ARHGAP18: variants seen among roughly 807,000 people sequenced by gnomAD.
ARHGAP18 encodes Rho GTPase activating protein 18, also known as rho GTPase-activating protein 18.
In ARHGAP18, 67 loss-of-function variants were observed where a neutral mutation model predicts 86.2. That is an observed-to-expected ratio of 0.78 (90% CI 0.64 to 0.95). ARHGAP18 has a LOEUF of 0.95. ARHGAP18 is among the 40% of genes least tolerant of loss of function. ARHGAP18 has a pLI of 0.00. For missense variants in ARHGAP18, 691 were observed against 780.4 expected, an observed-to-expected ratio of 0.89 and a Z score of 1.37; for synonymous variants, 283 against 280.4, an observed-to-expected ratio of 1.01 and a Z score of -0.09.
At chr6:129,685,643 A>C (rs1344731537) in intron 1 of ARHGAP18, among the ~76,000 whole-genome samples, 1 of 152,256 alleles carries the variant, frequency 6.6e-6, no homozygotes, top group Admixed American at 6.5e-5. Context: ...GATGTCAAAA[A>C]AGCCCAGCCT....
chr6:129,588,620 G>T (rs998901544), intron 12 of ARHGAP18, among the ~76,000 whole-genome samples: 2 of 152,214 alleles, frequency 1.3e-5, no homozygotes, highest in Admixed American at 1.3e-4. Flanking sequence ...GCTGTCAGCA[G>T]ATCTACCATC....
chr6:129,601,200 G>A (rs1788735431), intron 10 of ARHGAP18, among the ~76,000 whole-genome samples: 1 of 152,190 alleles, frequency 6.6e-6, no homozygotes, highest in Admixed American at 6.6e-5. Flanking sequence ...CTTATTTCAG[G>A]AAATGCTGTA....
At chr6:129,602,296 A>G (rs1006560819) in intron 10 of ARHGAP18, among the ~76,000 whole-genome samples, 17 of 152,262 alleles carry the variant, frequency 1.1e-4, no homozygotes, top group African/African-American at 4.1e-4. Context: ...AATGTAAGTA[A>G]CTTCCTGGTG....
chr6:129,656,770 G>T (rs2114514862), intron 1 of ARHGAP18, among the ~76,000 whole-genome samples: 1 of 152,338 alleles, frequency 6.6e-6, no homozygotes, highest in East Asian at 1.9e-4. Flanking sequence ...AGAGCCAACA[G>T]TGTCTTGTTT....
chr6:129,627,089 A>G (rs1789492684), intron 5 of ARHGAP18, among the ~76,000 whole-genome samples: 1 of 152,152 alleles, frequency 6.6e-6, no homozygotes, highest in Non-Finnish European at 1.5e-5. Flanking sequence ...CCAGGATCAC[A>G]TCAAATATGT....
chr6:129,657,576 C>T (rs1188880172), intron 1 of ARHGAP18, among the ~76,000 whole-genome samples: 1 of 152,140 alleles, frequency 6.6e-6, no homozygotes, highest in East Asian at 1.9e-4. Context: ...TATTCAAACA[C>T]AGGGCAACCA....
intron 12 of ARHGAP18, among the ~76,000 whole-genome samples, chr6:129,589,253 T>C (rs565430984): frequency 1.3e-5 from 2 of 152,332 alleles, no homozygotes; most frequent in East Asian, 3.9e-4. Flanking sequence ...CAAACTTTTA[T>C]GTTCTGCTTC....
At chr6:129,592,932 T>C (rs1034216314) in intron 12 of ARHGAP18, among the ~76,000 whole-genome samples, 2 of 152,160 alleles carry the variant, frequency 1.3e-5, no homozygotes, top group African/African-American at 4.8e-5. Context: ...CGATTGTTGA[T>C]GATAAAGGTT....
intron 9 of ARHGAP18, among the ~76,000 whole-genome samples, chr6:129,607,482 A>G (rs1169933664): frequency 6.6e-6 from 1 of 152,094 alleles, no homozygotes; most frequent in Non-Finnish European, 1.5e-5. Flanking sequence ...CAGAGACCCT[A>G]CCACTTCTCC....
rs114887533 is a variant in ARHGAP18 at position 129,697,394 on chromosome 6, G to A, written c.113+12630C>T. Reference sequence around the variant, plus strand: ...AACCACCACCTTCTCCTTCAGGATAGGGGTCACACACTGGTAGTGCCTGGG... The same window carrying A: ...AACCACCACCTTCTCCTTCAGGATAAGGGTCACACACTGGTAGTGCCTGGG... On this transcript the variant is annotated intron_variant, in intron 1 of 14. Transcript: ENST00000368149. 2.3e-3 allele frequency among the ~76,000 whole-genome samples: 346 copies of A among 152,048 alleles called. 1 individual carries two copies. Among genetic ancestry groups the A allele is most frequent in the African/African-American group, 8.2e-3 (342 of 41,484 alleles).
chr6:129,673,111 ATTGT>A (rs2114529649), intron 1 of ARHGAP18, among the ~76,000 whole-genome samples: 1 of 152,358 alleles, frequency 6.6e-6, no homozygotes, highest in Admixed American at 6.5e-5. Flanking sequence ...AAAGATCAGA[ATTGT>A]TTTTCTTTAA....
intron 1 of ARHGAP18, among the ~76,000 whole-genome samples, chr6:129,684,997 T>C (rs1345687750): frequency 6.6e-6 from 1 of 152,112 alleles, no homozygotes; most frequent in African/African-American, 2.4e-5. Context: ...GTCACTGAAA[T>C]AGAGAAACGT....
chr6:129,619,733 C>T (rs1251191843), intron 5 of ARHGAP18, among the ~76,000 whole-genome samples: 2 of 150,966 alleles, frequency 1.3e-5, no homozygotes, highest in East Asian at 2.0e-4. Context: ...ATGCTTAGAA[C>T]ATGCCAGGTA....
rs1789230731 is a variant in ARHGAP18 at position 129,621,617 on chromosome 6, T to G, written c.787-2765A>C. Reference sequence around the variant, plus strand: ...TAGAATGAGAACAACTGAACCTAACTTACAAGGTTGTGGCGAAGATCAAAT... The same window carrying G: ...TAGAATGAGAACAACTGAACCTAACGTACAAGGTTGTGGCGAAGATCAAAT... On this transcript the variant is annotated intron_variant, in intron 5 of 14. Coordinates refer to ENST00000368149, the MANE Select transcript of ARHGAP18 (RefSeq NM_033515.3). Among the ~76,000 whole-genome samples the G allele has an allele frequency of 2.6e-5, 4 of 152,164 alleles. No individual in the cohort carries two copies. In the South Asian group the frequency reaches 8.3e-4, roughly 31 times the overall value.
intron 6 of ARHGAP18, among the ~76,000 whole-genome samples, chr6:129,618,318 A>G (rs1789139109): frequency 1.3e-5 from 2 of 152,202 alleles, no homozygotes; most frequent in African/African-American, 4.8e-5. Context: ...CTTAGAATCA[A>G]CTGTCTTAAA....
Position 129,576,358 on chromosome 6 carries a change from G to A in ARHGAP18, c.*2155C>T, listed in dbSNP as rs964746887. 6.6e-6 allele frequency: 1 copy of A among 152,162 alleles called. No homozygotes were observed. The highest frequency in any genetic ancestry group is 2.4e-5 in the African/African-American group (1 of 41,410). 9.4% of individuals were successfully genotyped at this position (152,162 alleles called of 1,614,324 possible). On this transcript the variant is annotated 3_prime_UTR_variant, in exon 15 of 15. Coordinates refer to ENST00000368149, the MANE Select transcript of ARHGAP18 (RefSeq NM_033515.3). ...CACCTGTGGTCCTAGCTACTCACGA[G>A]GCTGAGGCAGGAGGTTTGCTTGAGC...
At chr6:129,597,129 A>G (rs1430294891) in intron 12 of ARHGAP18, among the ~76,000 whole-genome samples, 1 of 151,116 alleles carries the variant, frequency 6.6e-6, no homozygotes, top group Non-Finnish European at 1.5e-5. Flanking sequence ...TTTTTTTTAA[A>G]TTTTGGCTAT....
At chr6:129,597,771 T>G (rs1788644215) in intron 12 of ARHGAP18, among the ~76,000 whole-genome samples, 1 of 151,956 alleles carries the variant, frequency 6.6e-6, no homozygotes, top group South Asian at 2.1e-4. Flanking sequence ...AGCTAATATG[T>G]GATGAAACTG....
intron 1 of ARHGAP18, among the ~76,000 whole-genome samples, chr6:129,677,118 C>T (rs1239359684): frequency 6.6e-6 from 1 of 151,908 alleles, no homozygotes; most frequent in Non-Finnish European, 1.5e-5. Flanking sequence ...GTTGGCCGGG[C>T]GCGGTGGCTC....
Sources: allele counts gnomAD v4.1 joint callset (sites outside exome capture counted in the v4.1 genomes callset), GRCh38; gene constraint gnomAD v4.1.1; transcripts MANE v1.5; gene names NCBI Gene and HGNC (gene_info 2026-07-23, HGNC 2026-07-21).